Variants in MYLIP observed in about 807,000 individuals in gnomAD.
The protein encoded by MYLIP is E3 ubiquitin-protein ligase MYLIP.
A neutral mutation model predicts 45.8 loss-of-function variants in MYLIP; 26 were observed. The ratio of observed to expected loss-of-function variants is 0.57; its 90% CI spans 0.42 to 0.79. The LOEUF is 0.79. Ranked by LOEUF, MYLIP falls within the 30% of genes least tolerant of loss-of-function variation. The pLI, the probability that MYLIP is intolerant of heterozygous loss-of-function variation, is 0.00. For missense variants in MYLIP, 494 were observed against 555.6 expected, an observed-to-expected ratio of 0.89 and a Z score of 1.11; for synonymous variants, 213 against 218.1, an observed-to-expected ratio of 0.98 and a Z score of 0.21.
At chr6:16,141,881 GTAAAC>G in intron 3 of MYLIP, 71 bp downstream of exon 3, 1 of 1,394,134 alleles carries the variant, frequency 7.2e-7, no homozygotes, top group Non-Finnish European at 9.7e-7. Flanking sequence ...AGGTTGGAAG[GTAAAC>G]TAATCACACA....
the MYLIP span, among the ~76,000 whole-genome samples, chr6:16,162,273 A>C: frequency 1.3e-5 from 2 of 152,218 alleles, no homozygotes; most frequent in African/African-American, 2.4e-5. Context: ...CTATATGTTC[A>C]GGCTCAGAGC....
At chr6:16,162,325 G>A in the MYLIP span, among the ~76,000 whole-genome samples, 2 of 152,230 alleles carry the variant, frequency 1.3e-5, no homozygotes, top group Non-Finnish European at 2.9e-5. Flanking sequence ...TCATCATGAT[G>A]ATAGATTTGA....
the MYLIP span, among the ~76,000 whole-genome samples, chr6:16,157,297 T>A: frequency 6.6e-6 from 1 of 152,234 alleles, no homozygotes; most frequent in Non-Finnish European, 1.5e-5. Context: ...AATTTCTTCC[T>A]CCATTGTAAT....
the MYLIP span, among the ~76,000 whole-genome samples, chr6:16,160,671 G>T: frequency 1.3e-5 from 2 of 152,102 alleles, no homozygotes; most frequent in Non-Finnish European, 2.9e-5. Context: ...GCATGGTAGC[G>T]GGTGCCTGAA....
intron 4 of MYLIP, among the ~76,000 whole-genome samples, 186 bp from the exon 5 acceptor site, chr6:16,143,513 C>T (rs111924435): frequency 5.9e-5 from 9 of 152,182 alleles, no homozygotes; most frequent in African/African-American, 2.2e-4. Context: ...TACTTCCCTC[C>T]ACATATGCCC....
intron 2 of MYLIP, among the ~76,000 whole-genome samples, chr6:16,135,553 T>C (rs1759532258): frequency 6.6e-6 from 1 of 152,072 alleles, no homozygotes; most frequent in Non-Finnish European, 1.5e-5. Flanking sequence ...AGTTTCTCAG[T>C]GGCAAGCCCT....
chr6:16,162,784 C>CCAAAAAAAAAAAAAAAAAA, the MYLIP span, among the ~76,000 whole-genome samples: 1 of 46,312 alleles, frequency 2.2e-5, no homozygotes, highest in Non-Finnish European at 3.1e-5. Context: ...GACCTCAACT[C>CCAAAAAAAAAAAAAAAAAA]TAAAAAAAAA....
the MYLIP span, among the ~76,000 whole-genome samples, chr6:16,154,380 G>A: frequency 1.1e-4 from 17 of 152,168 alleles, no homozygotes; most frequent in African/African-American, 4.1e-4. Context: ...AGGCTTGATG[G>A]GAATTGGTTC....
intron 3 of MYLIP, among the ~76,000 whole-genome samples, chr6:16,142,416 A>G (rs527319455): frequency 5.3e-5 from 8 of 152,258 alleles, no homozygotes; most frequent in Non-Finnish European, 1.0e-4. Flanking sequence ...CAGGAGATCT[A>G]ACATAGGCAT....
rs1239917952 is a variant in MYLIP, at chr6:16,146,693, A to G, written c.1280A>G (p.His427Arg). 5.0e-6 allele frequency: 8 copies of G among 1,611,996 alleles called. No homozygotes were observed. The highest frequency in any genetic ancestry group is 5.9e-6 in the Non-Finnish European group (7 of 1,178,950). ...SCPVCRSRVE[H>R]VQHVYLPTHT... ...CCCGTCTGCAGGTCGCGTGTGGAGC[A>G]TGTCCAGCACGTCTATCTGCCAACG... The change falls in exon 7 of 7, where the codon CAT becomes CGT. Residue 427 changes from histidine to arginine, a missense_variant. Physicochemically the swap from His to Arg is conservative, Grantham distance 29. Transcript: ENST00000356840.
downstream of MYLIP, among the ~76,000 whole-genome samples, chr6:16,150,645 G>A (rs533308238): frequency 2.6e-5 from 4 of 152,272 alleles, no homozygotes; most frequent in Admixed American, 6.5e-5. Context: ...GAGGGTGAAC[G>A]AAGATTCAGC....
rs561634825 is a variant in MYLIP at position 16,141,864 on chromosome 6, G to A, written c.464+54G>A. On this transcript the variant is annotated intron_variant, in intron 3 of 6. Transcript: ENST00000356840. ...CAACTAGAATAGGCTTAAACAGGATGAAACTAAGGTTGGAAGGTAAACTAA... is the reference window on the plus strand; with the variant it reads ...CAACTAGAATAGGCTTAAACAGGATAAAACTAAGGTTGGAAGGTAAACTAA... 3.6e-5 allele frequency: 53 copies of A among 1,465,580 alleles called. No homozygotes were observed. The South Asian group carries it at 7.3e-4, about 20-fold the overall frequency. The allele number at this position is 1,465,580 out of a possible 1,614,324, so 90.8% of individuals were successfully genotyped here.
At chr6:16,144,101 G>A (rs879348056) in intron 5 of MYLIP, among the ~76,000 whole-genome samples, 5 of 151,936 alleles carry the variant, frequency 3.3e-5, no homozygotes, top group East Asian at 1.9e-4. Context: ...ACCTCCTACC[G>A]TATTCTCTTA....
chr6:16,143,965 T>A, intron 5 of MYLIP, 102 bp downstream of exon 5: 1 of 1,282,810 alleles, frequency 7.8e-7, no homozygotes, highest in Non-Finnish European at 1.1e-6. Flanking sequence ...TCAATGAGTC[T>A]AGTACAGAAT....
chr6:16,140,790 G>A (rs958077053), intron 2 of MYLIP, among the ~76,000 whole-genome samples: 4 of 152,306 alleles, frequency 2.6e-5, no homozygotes, highest in South Asian at 2.1e-4. Flanking sequence ...CGTTAACAAC[G>A]TGCTCCCTTG....
intron 2 of MYLIP, among the ~76,000 whole-genome samples, chr6:16,133,362 G>T (rs1448503486): frequency 1.3e-5 from 2 of 152,202 alleles, no homozygotes; most frequent in Non-Finnish European, 2.9e-5. Flanking sequence ...TCAAGTGTTT[G>T]CTTAGATTGG....
intron 2 of MYLIP, among the ~76,000 whole-genome samples, chr6:16,135,068 TTCC>T (rs1179708450): frequency 4.6e-5 from 7 of 152,188 alleles, no homozygotes; most frequent in Non-Finnish European, 1.0e-4. Context: ...CTGTGGCCTG[TTCC>T]CAGCCCTCTT....
chr6:16,163,213 G>C, the MYLIP span, among the ~76,000 whole-genome samples: 3 of 152,100 alleles, frequency 2.0e-5, no homozygotes, highest in African/African-American at 7.2e-5. Context: ...TGCTTTATTT[G>C]ATTTTCCTAT....
At chr6:16,142,913 G>A in intron 3 of MYLIP, 107 bp from the exon 4 acceptor site, 4 of 1,139,300 alleles carry the variant, frequency 3.5e-6, no homozygotes, top group Non-Finnish European at 5.0e-6. Flanking sequence ...GTTTTAAGTT[G>A]TTGTGATTCA....
Sources: allele counts gnomAD v4.1 joint callset (sites outside exome capture counted in the v4.1 genomes callset), GRCh38; gene constraint gnomAD v4.1.1; transcripts MANE v1.5; gene names NCBI Gene and HGNC (gene_info 2026-07-23, HGNC 2026-07-21).